Variants in DDX10 observed in about 807,000 individuals in gnomAD.
DDX10 encodes the protein DEAD-box helicase 10, also known as probable ATP-dependent RNA helicase DDX10.
DDX10 carries 74 observed loss-of-function variants against 104.3 expected under a neutral mutation model. The observed-to-expected ratio is 0.71, with a 90% CI of 0.59 to 0.86. The LOEUF (loss-of-function observed/expected upper bound fraction) is 0.86. DDX10 is among the 40% of genes least tolerant of loss of function. The pLI, the probability that DDX10 is intolerant of heterozygous loss-of-function variation, is 0.00. For missense variants in DDX10, 952 were observed against 1,040.0 expected, an observed-to-expected ratio of 0.92 and a Z score of 1.16; for synonymous variants, 351 against 353.4, an observed-to-expected ratio of 0.99 and a Z score of 0.08.
At chr11:108,814,618 A>G (rs780491627) in intron 13 of DDX10, among the ~76,000 whole-genome samples, 21 of 152,154 alleles carry the variant, frequency 1.4e-4, no homozygotes, top group Non-Finnish European at 2.5e-4. Context: ...GCTTCATACA[A>G]TCTTGAGCTT....
chr11:108,939,129 C>T (rs894671987), intron 17 of DDX10, among the ~76,000 whole-genome samples: 4 of 152,152 alleles, frequency 2.6e-5, no homozygotes, highest in Non-Finnish European at 5.9e-5. Context: ...TATATAATCC[C>T]TGTCTTTACA....
intron 13 of DDX10, among the ~76,000 whole-genome samples, chr11:108,735,017 G>A (rs1436639113): frequency 6.6e-6 from 1 of 152,176 alleles, no homozygotes; most frequent in Non-Finnish European, 1.5e-5. Context: ...TCTTTGTGAT[G>A]GCACTGGATT....
At chr11:108,717,444 G>A (rs964721396) in intron 11 of DDX10, among the ~76,000 whole-genome samples, 8 of 152,056 alleles carry the variant, frequency 5.3e-5, no homozygotes, top group African/African-American at 1.9e-4. Flanking sequence ...CGAGTAGCTG[G>A]GATTACAGGC....
chr11:108,679,444 C>T lies in DDX10; in HGVS notation c.732C>T (p.Pro244=). Residue 244 remains proline (P), a synonymous_variant, in exon 6 of 18, where the codon CCC becomes CCT. Transcript: ENST00000322536. ...DTMNAVIENL[P]KKRQTLLFSA... ...TGAATGCTGTTATTGAAAATCTCCC[C>T]AAGAAACGTCAGACTTTACTTTTCT... The T allele has an allele frequency of 6.2e-7, 1 of 1,613,584 alleles. No homozygotes were observed. Among genetic ancestry groups the T allele is most frequent in the Non-Finnish European group, 8.5e-7 (1 of 1,179,940 alleles).
chr11:108,667,051 A>G (rs1323807207), intron 1 of DDX10, among the ~76,000 whole-genome samples: 1 of 152,064 alleles, frequency 6.6e-6, no homozygotes, highest in East Asian at 1.9e-4. Flanking sequence ...CTTCATCCCT[A>G]CTGCATTGTC....
At chr11:108,931,831 C>T (rs1863979286) in intron 17 of DDX10, among the ~76,000 whole-genome samples, 2 of 150,118 alleles carry the variant, frequency 1.3e-5, no homozygotes, top group South Asian at 4.1e-4. Context: ...ATGTTATCCA[C>T]AAGGTTATTG....
chr11:108,725,263 CATT>C (rs1331179858), intron 13 of DDX10, among the ~76,000 whole-genome samples: 2 of 151,990 alleles, frequency 1.3e-5, no homozygotes, highest in Non-Finnish European at 2.9e-5. Context: ...TGACAAAAGT[CATT>C]ATAAACATAT....
chr11:108,903,146 A>G (rs1161118821), intron 16 of DDX10, among the ~76,000 whole-genome samples: 1 of 152,126 alleles, frequency 6.6e-6, no homozygotes, highest in Non-Finnish European at 1.5e-5. Flanking sequence ...TGCAACCACC[A>G]GCACCACTAT....
chr11:108,910,132 A>G (rs1863649346), intron 16 of DDX10, among the ~76,000 whole-genome samples: 1 of 152,108 alleles, frequency 6.6e-6, no homozygotes, highest in African/African-American at 2.4e-5. Context: ...AGATTACCAC[A>G]TGTAAGGTAT....
intron 16 of DDX10, among the ~76,000 whole-genome samples, chr11:108,908,986 G>C (rs1454483525): frequency 1.3e-5 from 2 of 152,176 alleles, no homozygotes; most frequent in Admixed American, 1.3e-4. Flanking sequence ...CCTGGTTCCT[G>C]GACAGAACAC....
intron 16 of DDX10, among the ~76,000 whole-genome samples, chr11:108,917,337 G>A (rs749101370): frequency 1.3e-4 from 19 of 151,960 alleles, no homozygotes; most frequent in Non-Finnish European, 2.6e-4. Flanking sequence ...AGTATTTTTG[G>A]TAGTTTTGAA....
intron 13 of DDX10, among the ~76,000 whole-genome samples, chr11:108,778,571 G>A (rs1303455526): frequency 6.6e-6 from 1 of 152,090 alleles, no homozygotes; most frequent in African/African-American, 2.4e-5. Context: ...TTAAATATTA[G>A]ACCTAAAACC....
intron 17 of DDX10, among the ~76,000 whole-genome samples, chr11:108,935,136 TG>T (rs1025753216): frequency 6.6e-6 from 1 of 152,160 alleles, no homozygotes; most frequent in Non-Finnish European, 1.5e-5. Context: ...GCTAACCATT[TG>T]GTAGGCAGAA....
At chr11:108,832,605 G>C (rs10749929) in intron 13 of DDX10, among the ~76,000 whole-genome samples, 78,686 of 152,012 alleles carry the variant, frequency 0.52, 21,630 homozygotes, top group Non-Finnish European at 0.61. Context: ...AAACTTCCCC[G>C]AGGTACTCTG....
At position 108,927,854 on chromosome 11, in the gene DDX10, G is replaced by A. The variant is rs1025654628; in HGVS notation, c.2450+9836G>A. On this transcript the variant is annotated intron_variant, in intron 17 of 17. Transcript: ENST00000322536. ...GGGGTTTCACCATGTTAGCCAGGCCGGTATTGAACTCTTGACCTCAGGCAA... is the reference window on the plus strand; with the variant it reads ...GGGGTTTCACCATGTTAGCCAGGCCAGTATTGAACTCTTGACCTCAGGCAA... Among the ~76,000 whole-genome samples, 11 of 152,208 alleles carry A rather than the reference G, an allele frequency of 7.2e-5. No homozygotes were observed. In the East Asian group the frequency reaches 7.7e-4, roughly 11 times the overall value.
Position 108,720,615 on chromosome 11 carries a change from G to A in DDX10, c.1499+730G>A, listed in dbSNP as rs544390513. Among the ~76,000 whole-genome samples, 4 of 152,146 alleles carry A rather than the reference G, an allele frequency of 2.6e-5. No individual in the cohort carries two copies. In the South Asian group the frequency reaches 8.3e-4, roughly 32 times the overall value. On this transcript the variant is annotated intron_variant, in intron 12 of 17. Transcript: ENST00000322536. Reference sequence around the variant, plus strand: ...GGGATTTTTTGCGGGGGAGGAGACAGGGTCTTATTCTGTCACCCAGGCCAT... The same window carrying A: ...GGGATTTTTTGCGGGGGAGGAGACAAGGTCTTATTCTGTCACCCAGGCCAT...
At chr11:108,788,827 T>C (rs535900332) in intron 13 of DDX10, among the ~76,000 whole-genome samples, 1 of 152,354 alleles carries the variant, frequency 6.6e-6, no homozygotes, top group South Asian at 2.1e-4. Flanking sequence ...CTTTTGTATT[T>C]TGGTTCTGTT....
intron 13 of DDX10, among the ~76,000 whole-genome samples, chr11:108,819,356 A>C (rs773784347): frequency 6.6e-6 from 1 of 152,210 alleles, no homozygotes; most frequent in Non-Finnish European, 1.5e-5. Flanking sequence ...GTACCAGCAT[A>C]GCCCTCTTGA....
At chr11:108,794,530 T>C (rs1395072756) in intron 13 of DDX10, among the ~76,000 whole-genome samples, 2 of 145,588 alleles carry the variant, frequency 1.4e-5, no homozygotes, top group Non-Finnish European at 3.0e-5. Flanking sequence ...CTTTATCAAG[T>C]TGAATAAGTT....
Sources: gnomAD v4.1 joint callset for allele counts (sites outside exome capture counted in the v4.1 genomes callset) on GRCh38, gnomAD v4.1.1 for gene constraint, MANE v1.5 for transcripts, NCBI Gene and HGNC (gene_info 2026-07-23, HGNC 2026-07-21) for gene names.